The following KCNH5 variants were observed in gnomAD, a reference collection of about 807,000 sequenced individuals.
The protein encoded by KCNH5 is voltage-gated delayed rectifier potassium channel KCNH5.
KCNH5 carries 46 observed loss-of-function variants against 96.1 expected under a neutral mutation model. The observed-to-expected ratio is 0.48, with a 90% CI of 0.38 to 0.61. The LOEUF is 0.61. Among genes scored for constraint, KCNH5 ranks in the 20% least tolerant of loss-of-function variants. The pLI is 0.00. For missense variants in KCNH5, 907 were observed against 1,225.8 expected, an observed-to-expected ratio of 0.74 and a Z score of 3.88; for synonymous variants, 439 against 449.8, an observed-to-expected ratio of 0.98 and a Z score of 0.30.
chr14:62,905,916 C>G (rs1181260283), intron 7 of KCNH5, among the ~76,000 whole-genome samples: 6 of 152,228 alleles, frequency 3.9e-5, no homozygotes, highest in African/African-American at 1.4e-4. Flanking sequence ...CCAGCTCTCA[C>G]CCACCCAGAA....
chr14:62,989,375 A>G (rs1055928691), intron 4 of KCNH5, among the ~76,000 whole-genome samples: 24 of 152,128 alleles, frequency 1.6e-4, no homozygotes, highest in African/African-American at 5.8e-4. Context: ...TAAAATCAAT[A>G]GCAAATCAAA....
At chr14:62,847,037 T>C (rs1887712328) in intron 8 of KCNH5, among the ~76,000 whole-genome samples, 1 of 149,414 alleles carries the variant, frequency 6.7e-6, no homozygotes, top group South Asian at 2.1e-4. Flanking sequence ...CCTGACCTCG[T>C]GATCCGCCCA....
intron 7 of KCNH5, among the ~76,000 whole-genome samples, chr14:62,873,808 G>C (rs1888312033): frequency 6.6e-6 from 1 of 152,148 alleles, no homozygotes; most frequent in African/African-American, 2.4e-5. Flanking sequence ...CTCAAGGGGT[G>C]ACTGTCACCA....
At chr14:62,828,214 T>A (rs1304433544) in intron 8 of KCNH5, among the ~76,000 whole-genome samples, 2 of 152,168 alleles carry the variant, frequency 1.3e-5, no homozygotes, top group Non-Finnish European at 2.9e-5. Flanking sequence ...TTTAATTTAA[T>A]CTGTGTATTA....
intron 7 of KCNH5, among the ~76,000 whole-genome samples, chr14:62,929,508 G>C (rs1365674700): frequency 1.3e-5 from 2 of 151,894 alleles, no homozygotes; most frequent in Non-Finnish European, 2.9e-5. Context: ...GGCCCTTCAT[G>C]GTCTGGTCTC....
intron 1 of KCNH5, among the ~76,000 whole-genome samples, chr14:63,035,440 T>C (rs374096709): frequency 2.6e-5 from 4 of 152,326 alleles, no homozygotes; most frequent in South Asian, 2.1e-4. Context: ...CTACACTCTA[T>C]GTAACAGGAG....
chr14:62,829,250 T>C (rs1009567843), intron 8 of KCNH5, among the ~76,000 whole-genome samples: 6 of 152,114 alleles, frequency 3.9e-5, no homozygotes, highest in Non-Finnish European at 8.8e-5. Flanking sequence ...TCCATGGATC[T>C]ACCATTCTGG....
At chr14:62,759,573 A>ATATATATATATATTTTTTTTTTTTTT (rs1171935428) in intron 10 of KCNH5, among the ~76,000 whole-genome samples, 1 of 151,086 alleles carries the variant, frequency 6.6e-6, no homozygotes, top group Non-Finnish European at 1.5e-5. Context: ...CGTAGGGTAT[A>ATATATATATATATTTTTTTTTTTTTT]TTTTTTAATA....
At chr14:62,747,050 C>T (rs1885391674) in intron 10 of KCNH5, among the ~76,000 whole-genome samples, 1 of 152,220 alleles carries the variant, frequency 6.6e-6, no homozygotes, top group Admixed American at 6.5e-5. Flanking sequence ...AAAGCAAACT[C>T]AGGCCGGACG....
At chr14:62,870,417 T>C (rs1253551046) in intron 7 of KCNH5, among the ~76,000 whole-genome samples, 2 of 152,226 alleles carry the variant, frequency 1.3e-5, no homozygotes, top group African/African-American at 4.8e-5. Flanking sequence ...TGAGTAGTAA[T>C]GAATCATTTG....
intron 9 of KCNH5, among the ~76,000 whole-genome samples, chr14:62,793,268 A>T (rs1035594784): frequency 6.6e-6 from 1 of 151,784 alleles, no homozygotes; most frequent in African/African-American, 2.4e-5. Context: ...GTGAACTTCA[A>T]AATTTGTTAA....
intron 1 of KCNH5, among the ~76,000 whole-genome samples, chr14:63,043,557 AT>A (rs1216048593): frequency 3.3e-5 from 5 of 152,246 alleles, no homozygotes; most frequent in African/African-American, 9.6e-5. Flanking sequence ...TAACTAAAAA[AT>A]ATACAGGTAT....
At chr14:62,929,211 G>A (rs78918600) in intron 7 of KCNH5, among the ~76,000 whole-genome samples, 7,341 of 148,626 alleles carry the variant, frequency 0.049, 580 homozygotes, top group African/African-American at 0.17. Context: ...ACCACCCCCC[G>A]CATCTAGTCT....
intron 8 of KCNH5, among the ~76,000 whole-genome samples, chr14:62,806,655 T>TA (rs1886772650): frequency 6.6e-6 from 1 of 151,986 alleles, no homozygotes; most frequent in South Asian, 2.1e-4. Context: ...TTAGGGGAGT[T>TA]AGAGTCTCTC....
chr14:62,936,329 C>G (rs924636746), intron 7 of KCNH5, among the ~76,000 whole-genome samples: 1 of 152,042 alleles, frequency 6.6e-6, no homozygotes, highest in Non-Finnish European at 1.5e-5. Context: ...GCATGTTTAT[C>G]AGCTGAAGAG....
chr14:62,922,230 C>T (rs1450708295), intron 7 of KCNH5, among the ~76,000 whole-genome samples: 1 of 151,960 alleles, frequency 6.6e-6, no homozygotes, highest in East Asian at 1.9e-4. Context: ...GCATTTATAT[C>T]TATATCTATA....
intron 7 of KCNH5, among the ~76,000 whole-genome samples, chr14:62,949,592 G>T (rs1240024439): frequency 6.6e-6 from 1 of 152,000 alleles, no homozygotes; most frequent in African/African-American, 2.4e-5. Context: ...TTGCTGAATG[G>T]GCTTATATTC....
chr14:62,846,261 C>T (rs1215830639), intron 8 of KCNH5, among the ~76,000 whole-genome samples: 1 of 152,022 alleles, frequency 6.6e-6, no homozygotes, highest in East Asian at 1.9e-4. Context: ...TTTTTCTCCC[C>T]AAGTATTCTA....
intron 10 of KCNH5, among the ~76,000 whole-genome samples, chr14:62,735,665 A>T (rs1200316658): frequency 1.3e-5 from 2 of 152,172 alleles, no homozygotes; most frequent in Non-Finnish European, 2.9e-5. Flanking sequence ...ACTGTTATGA[A>T]TCCTCCATAA....
Sources: gnomAD v4.1 joint callset for allele counts (sites outside exome capture counted in the v4.1 genomes callset) on GRCh38, gnomAD v4.1.1 for gene constraint, MANE v1.5 for transcripts, NCBI Gene and HGNC (gene_info 2026-07-23, HGNC 2026-07-21) for gene names.